NDP: variants seen among roughly 807,000 people sequenced by gnomAD.
NDP encodes the protein norrin cystine knot growth factor NDP.
NDP carries 2 observed loss-of-function variants against 8.4 expected under a neutral mutation model. The observed-to-expected ratio is 0.24, with a 90% confidence interval of 0.10 to 0.75. NDP has a LOEUF of 0.75. Ranked by LOEUF, NDP falls within the 30% of genes least tolerant of loss-of-function variation. The pLI, the probability that NDP is intolerant of heterozygous loss-of-function variation, is 0.73. For missense variants in NDP, 81 were observed against 110.1 expected (o/e 0.74, Z 1.18); for synonymous variants, 55 against 45.6 (o/e 1.21, Z -0.83).
chrX:43,949,687 G>C lies in NDP; in HGVS notation c.*112C>G. The C allele has an allele frequency of 1.5e-6, 1 of 687,343 alleles. No individual in the cohort carries two copies. Among genetic ancestry groups the C allele is most frequent in the South Asian group, 2.3e-5 (1 of 42,692 alleles). 56.6% of individuals were successfully genotyped at this position (687,343 alleles called of 1,213,427 possible). A position where few individuals can be genotyped will look rare whatever the true frequency, so the allele number is the denominator to read the frequency against. On this transcript the variant is annotated 3_prime_UTR_variant, in exon 3 of 3. Coordinates refer to ENST00000642620, the MANE Select transcript of NDP (RefSeq NM_000266.4). ...TATTACTAGAATATGCAGAGTCCCG[G>C]GAGAATTGTTGCATCCTTTTTTGCC...
Position 43,949,757 on chromosome X carries a change from T to C in NDP, c.*42A>G, listed in dbSNP as rs1397257165. 8.9e-7 allele frequency: 1 copy of C among 1,129,367 alleles called. No individual in the cohort carries two copies. The highest frequency in any genetic ancestry group is 2.6e-5 in the Admixed American group (1 of 38,762). 93.1% of individuals were successfully genotyped at this position (1,129,367 alleles called of 1,213,427 possible). On this transcript the variant is annotated 3_prime_UTR_variant, in exon 3 of 3. Coordinates refer to ENST00000642620, the MANE Select transcript of NDP (RefSeq NM_000266.4). ...TCTTTCCCTGGCTGGTCGAACTGCC[T>C]CTACAGTTGTCCCATCCAGAAGCCA...
intron 2 of NDP, among the ~76,000 whole-genome samples, chrX:43,957,337 A>T (rs1178653536): frequency 9.3e-6 from 1 of 107,224 alleles, no homozygotes. Flanking sequence ...TATTTACTCC[A>T]TTTTTTTTTG....
At chrX:43,969,805 G>A (rs2035881774) in intron 1 of NDP, among the ~76,000 whole-genome samples, 1 of 111,828 alleles carries the variant, frequency 8.9e-6, no homozygotes, top group African/African-American at 3.3e-5. Flanking sequence ...AGCTGACAAA[G>A]GAAGGAGCTC....
intron 1 of NDP, among the ~76,000 whole-genome samples, chrX:43,961,618 A>G (rs958258750): frequency 5.2e-4 from 58 of 111,827 alleles, no homozygotes; most frequent in African/African-American, 1.8e-3. Flanking sequence ...TTCACTATAT[A>G]TCTTTTCGTA....
Position 43,969,619 on chromosome X carries a change from C to T in NDP, c.-208+3685G>A, listed in dbSNP as rs1204735084. The T allele has an allele frequency of 2.7e-5, 3 of 112,541 alleles. No homozygotes were observed. In the East Asian group the frequency reaches 8.5e-4, roughly 32 times the overall value. The allele number at this position is 112,541 out of a possible 1,213,427, so 9.3% of individuals were successfully genotyped here. On this transcript the variant is annotated intron_variant, in intron 1 of 2. Transcript: ENST00000642620. ...AGCTAAGCCATGTGGCTGCTCCTCT[C>T]TGTGAGTGGATTCAGGCTCGGGACT...
rs766708069 is a variant in NDP, at chrX:43,958,842, C to G, written c.-197G>C. On this transcript the variant is annotated 5_prime_UTR_variant, in exon 2 of 3. Coordinates refer to ENST00000642620, the MANE Select transcript of NDP (RefSeq NM_000266.4). The stretch of plus-strand genomic sequence containing the variant: ...CACTTGCAATCCATCATCACAGTAT[C>G]TGCTGCACAGCTGGAATGAAAACAG... The G allele has an allele frequency of 6.7e-6, 3 of 444,592 alleles. No individual in the cohort carries two copies. Among genetic ancestry groups the G allele is most frequent in the Non-Finnish European group, 7.9e-6 (2 of 253,012 alleles). The allele number at this position is 444,592 out of a possible 1,213,427, so 36.6% of individuals were successfully genotyped here.
intron 2 of NDP, among the ~76,000 whole-genome samples, chrX:43,950,950 C>A (rs922726029): frequency 2.0e-4 from 22 of 111,497 alleles, no homozygotes; most frequent in African/African-American, 5.5e-4. Context: ...TACAAAACTC[C>A]TGGTATCCTG....
At chrX:43,961,190 G>A (rs936810079) in intron 1 of NDP, among the ~76,000 whole-genome samples, 28 of 112,607 alleles carry the variant, frequency 2.5e-4, no homozygotes, top group African/African-American at 8.7e-4. Flanking sequence ...GCAAGGCTGT[G>A]GGAAAACAAG....
Position 43,960,256 on chromosome X carries a change from C to G in NDP, c.-207-1404G>C, listed in dbSNP as rs941050109. Among the ~76,000 whole-genome samples the G allele has an allele frequency of 2.7e-5, 3 of 111,776 alleles. No individual in the cohort carries two copies. In the South Asian group the frequency reaches 1.1e-3, roughly 42 times the overall value. ...CACTGCCATTAATTAGCTGGGGAAGCCTTACACAAGTCATTCAACCTCCTC... is the reference window on the plus strand; with the variant it reads ...CACTGCCATTAATTAGCTGGGGAAGGCTTACACAAGTCATTCAACCTCCTC... On this transcript the variant is annotated intron_variant, in intron 1 of 2. Transcript: ENST00000642620.
At chrX:43,960,885 T>C (rs1488706830) in intron 1 of NDP, 2 of 112,344 alleles carry the variant, frequency 1.8e-5, no homozygotes, top group Non-Finnish European at 3.8e-5. Context: ...TTCAGAGCCA[T>C]GGCCAGGAGG....
chrX:43,959,664 G>C (rs1362898627), intron 1 of NDP, among the ~76,000 whole-genome samples: 1 of 111,687 alleles, frequency 9.0e-6, no homozygotes, highest in Admixed American at 9.5e-5. Context: ...CTTGGACAAA[G>C]GACTGGGGTC....
intron 2 of NDP, among the ~76,000 whole-genome samples, chrX:43,956,371 C>CA (rs903245655): frequency 9.0e-6 from 1 of 111,136 alleles, no homozygotes; most frequent in Non-Finnish European, 1.9e-5. Flanking sequence ...TTTATAGAGA[C>CA]AAAAAAATCT....
intron 1 of NDP, chrX:43,969,423 C>G (rs1018124282): frequency 1.8e-5 from 2 of 112,032 alleles, no homozygotes; most frequent in African/African-American, 6.5e-5. Flanking sequence ...TTGTCTCTCC[C>G]CCGAAACAGA....
At chrX:43,960,023 C>T (rs2035817499) in intron 1 of NDP, among the ~76,000 whole-genome samples, 1 of 111,946 alleles carries the variant, frequency 8.9e-6, no homozygotes, top group African/African-American at 3.3e-5. Flanking sequence ...AATAGAATGG[C>T]ATCAGACCCA....
At chrX:43,968,096 T>C (rs1357186200) in intron 1 of NDP, among the ~76,000 whole-genome samples, 1 of 111,926 alleles carries the variant, frequency 8.9e-6, no homozygotes, top group Non-Finnish European at 1.9e-5. Flanking sequence ...ACTGGGGATA[T>C]GTCGCCAACG....
At chrX:43,969,738 T>C (rs5952990) in intron 1 of NDP, 27,268 of 111,146 alleles carry the variant, frequency 0.25, 2,717 homozygotes, top group Non-Finnish European at 0.3. Context: ...CCATGGGCTG[T>C]TCTCCCCGGA....
chrX:43,960,184 A>T (rs1438206419), intron 1 of NDP, among the ~76,000 whole-genome samples: 1 of 111,581 alleles, frequency 9.0e-6, no homozygotes, highest in African/African-American at 3.3e-5. Flanking sequence ...AATTGCAGGA[A>T]GGGCAAGGAC....
In NDP at chrX:43,949,789, G is replaced by C. The variant is rs140653237; in HGVS notation, c.*10C>G. 1,240 of 1,164,724 alleles carry C rather than the reference G, an allele frequency of 1.1e-3. 10 individuals carry two copies. In the African/African-American group the frequency reaches 0.021, roughly 19 times the overall value. On this transcript the variant is annotated 3_prime_UTR_variant, in exon 3 of 3. Transcript: ENST00000642620. Reference sequence around the variant, plus strand: ...TTGTCCCATCCAGAAGCCACACACAGCAGCGGGCCTCAGGAATTGCATTCC... The same window carrying C: ...TTGTCCCATCCAGAAGCCACACACACCAGCGGGCCTCAGGAATTGCATTCC...
Position 43,948,839 on chromosome X carries a change from A to T in NDP, c.*960T>A, listed in dbSNP as rs2035743866. 8.9e-6 allele frequency: 1 copy of T among 112,132 alleles called. No homozygotes were observed. The highest frequency in any genetic ancestry group is 3.2e-5 in the African/African-American group (1 of 30,859). 9.2% of individuals were successfully genotyped at this position (112,132 alleles called of 1,213,427 possible). A position where few individuals can be genotyped will look rare whatever the true frequency, so the allele number is the denominator to read the frequency against. On this transcript the variant is annotated 3_prime_UTR_variant, in exon 3 of 3. Transcript: ENST00000642620. ...ACTCAAAATTTGAGCCTCCAGGACC[A>T]AAACACATTTGAACCAAACGTTCAG...
Sources: allele counts gnomAD v4.1 joint callset (sites outside exome capture counted in the v4.1 genomes callset), GRCh38; gene constraint gnomAD v4.1.1; transcripts MANE v1.5; gene names NCBI Gene and HGNC (gene_info 2026-07-23, HGNC 2026-07-21).